The following DIP2C variants were observed in gnomAD, a reference collection of about 807,000 sequenced individuals.
DIP2C encodes the protein DIP2 acetate--CoA ligase C (putative), also known as disco-interacting protein 2 homolog C.
A neutral mutation model predicts 192.4 loss-of-function variants in DIP2C; 33 were observed. That is an observed-to-expected ratio of 0.17 (90% CI 0.13 to 0.23). The LOEUF (loss-of-function observed/expected upper bound fraction) is 0.23. Among genes scored for constraint, DIP2C ranks in the 10% least tolerant of loss-of-function variants. The pLI is 1.00. For synonymous variants in DIP2C, 979 were observed against 864.1 expected, an observed-to-expected ratio of 1.13 and a Z score of -2.33; for missense variants, 1,537 against 2,110.1, an observed-to-expected ratio of 0.73 and a Z score of 5.32.
chr10:424,301 T>C (rs1966419564), intron 4 of DIP2C, among the ~76,000 whole-genome samples: 1 of 151,832 alleles, frequency 6.6e-6, no homozygotes, highest in African/African-American at 2.4e-5. Context: ...TTTAAAAGTT[T>C]ACTTGTTAGA....
intron 3 of DIP2C, among the ~76,000 whole-genome samples, chr10:448,348 G>T (rs1017803942): frequency 7.1e-6 from 1 of 140,330 alleles, no homozygotes; most frequent in Non-Finnish European, 1.5e-5. Context: ...ACACAGTGGG[G>T]CAGCAGGACC....
chr10:590,911 G>A (rs933715670), intron 1 of DIP2C, among the ~76,000 whole-genome samples: 2 of 151,506 alleles, frequency 1.3e-5, no homozygotes, highest in African/African-American at 4.9e-5. Context: ...CATGGCGTGA[G>A]AATTCCCCCC....
chr10:510,613 A>G (rs1342532679), intron 1 of DIP2C, among the ~76,000 whole-genome samples: 1 of 152,244 alleles, frequency 6.6e-6, no homozygotes, highest in African/African-American at 2.4e-5. Flanking sequence ...AACAGCGAAG[A>G]CAGCAGAGCA....
chr10:477,196 G>C (rs1472228591), intron 2 of DIP2C, among the ~76,000 whole-genome samples: 1 of 141,274 alleles, frequency 7.1e-6, no homozygotes. Flanking sequence ...GCAAAGAATA[G>C]ACAAATGGAT....
At chr10:550,049 G>A (rs931225476) in intron 1 of DIP2C, among the ~76,000 whole-genome samples, 7 of 142,154 alleles carry the variant, frequency 4.9e-5, no homozygotes, top group Admixed American at 2.2e-4. Context: ...TCCCTCTGTC[G>A]CCCAGGCTGG....
At chr10:383,398 G>A (rs942298588) in intron 16 of DIP2C, among the ~76,000 whole-genome samples, 4 of 152,112 alleles carry the variant, frequency 2.6e-5, no homozygotes, top group Admixed American at 6.6e-5. Flanking sequence ...ATTTCACTTT[G>A]CTTCTGAAGC....
chr10:369,302 C>T (rs12776623), intron 18 of DIP2C, among the ~76,000 whole-genome samples, 192 bp downstream of exon 18: 2,362 of 152,298 alleles, frequency 0.016, 29 homozygotes, highest in Non-Finnish European at 0.023. Flanking sequence ...TCTTCTTGAT[C>T]GTCTACCAGG....
chr10:526,222 C>A (rs773217754), intron 1 of DIP2C, among the ~76,000 whole-genome samples: 1 of 152,154 alleles, frequency 6.6e-6, no homozygotes, highest in African/African-American at 2.4e-5. Context: ...AGCCCACAGC[C>A]GCGTGGTTTC....
At chr10:344,954 G>A in intron 27 of DIP2C, 36 bp from the exon 28 acceptor site, 3 of 1,604,798 alleles carry the variant, frequency 1.9e-6, no homozygotes, top group Non-Finnish European at 2.6e-6. Context: ...GATCCAGCCT[G>A]AGCAAGGCCG....
At chr10:561,165 T>A (rs560573708) in intron 1 of DIP2C, among the ~76,000 whole-genome samples, 168 of 152,336 alleles carry the variant, frequency 1.1e-3, no homozygotes, top group African/African-American at 3.9e-3. Context: ...AGGTTCTTAG[T>A]ATCTCCTGAG....
chr10:689,330 G>A lies in DIP2C; in HGVS notation c.85+164C>T, dbSNP rs986492170. ...TCGCGGCCTCACAAACGTCCCTAGG[G>A]CGCGGGGTCTGGGGGTCCGGGGGAC... On this transcript the variant is annotated intron_variant, in intron 1 of 36. Transcript: ENST00000280886. This position sits in a 1 kb window ranked among gnomAD's most constrained non-coding sequence, Gnocchi z 6.1. Among the ~76,000 whole-genome samples the A allele has an allele frequency of 2.6e-5, 4 of 151,476 alleles. No homozygotes were observed. The highest frequency in any genetic ancestry group is 1.3e-4 in the Admixed American group (2 of 15,230).
intron 1 of DIP2C, among the ~76,000 whole-genome samples, chr10:632,523 C>T (rs1413896341): frequency 2.1e-5 from 1 of 46,810 alleles, no homozygotes; most frequent in African/African-American, 1.0e-4. Flanking sequence ...ACGGCCAGCA[C>T]CGTAACTGGA....
chr10:472,297 T>C (rs1255707787), intron 3 of DIP2C, 142 bp downstream of exon 3: 4 of 627,220 alleles, frequency 6.4e-6, no homozygotes, highest in Non-Finnish European at 1.1e-5. Flanking sequence ...CGAGAGGGTG[T>C]GTCCGTGCAG....
intron 21 of DIP2C, 118 bp from the exon 22 acceptor site, chr10:362,809 C>T: frequency 8.6e-7 from 1 of 1,159,018 alleles, no homozygotes; most frequent in African/African-American, 1.5e-5. Context: ...AGCACTGTTC[C>T]CAGCATAAAA....
chr10:514,355 G>A (rs1226366463), intron 1 of DIP2C, among the ~76,000 whole-genome samples: 1 of 152,198 alleles, frequency 6.6e-6, no homozygotes, highest in Admixed American at 6.5e-5. Context: ...AATGCCCCCA[G>A]TTCGACGGCA....
At chr10:552,598 C>T (rs556603506) in intron 1 of DIP2C, among the ~76,000 whole-genome samples, 96 of 152,368 alleles carry the variant, frequency 6.3e-4, no homozygotes, top group Middle Eastern at 6.8e-3. Flanking sequence ...CGCCTGTAAT[C>T]CCAGCACTTT....
chr10:548,454 G>A (rs1351692502), intron 1 of DIP2C, among the ~76,000 whole-genome samples: 2 of 150,176 alleles, frequency 1.3e-5, no homozygotes, highest in Non-Finnish European at 3.0e-5. Context: ...GAGGGAGGGA[G>A]GGAGGGAGGG....
chr10:371,891 G>A (rs914816730), intron 17 of DIP2C, among the ~76,000 whole-genome samples: 5 of 152,188 alleles, frequency 3.3e-5, no homozygotes, highest in African/African-American at 1.2e-4. Context: ...GCCGGAATAC[G>A]CTATCTTAGT....
intron 1 of DIP2C, among the ~76,000 whole-genome samples, chr10:625,910 A>ACAG: frequency 6.6e-6 from 1 of 152,346 alleles, no homozygotes; most frequent in East Asian, 1.9e-4. Flanking sequence ...GAGGCTGACC[A>ACAG]CAGGAGTCCC....
Sources: allele counts gnomAD v4.1 joint callset (sites outside exome capture counted in the v4.1 genomes callset), GRCh38; gene constraint gnomAD v4.1.1; non-coding constraint Gnocchi (gnomAD v3.1); transcripts MANE v1.5; gene names NCBI Gene and HGNC (gene_info 2026-07-23, HGNC 2026-07-21).